The following MAP3K5 variants were observed in gnomAD, a reference collection of about 807,000 sequenced individuals.
The protein encoded by MAP3K5 is mitogen-activated protein kinase kinase kinase 5.
Under a neutral mutation model 158.7 loss-of-function variants are expected in MAP3K5, and 56 were observed. That is an observed-to-expected ratio of 0.35 (90% CI 0.28 to 0.44). The LOEUF (loss-of-function observed/expected upper bound fraction) is 0.44. MAP3K5 is among the 20% of genes least tolerant of loss of function. The pLI is 1.00. For missense variants in MAP3K5, 1,294 were observed against 1,674.8 expected (o/e 0.77, Z 3.97); for synonymous variants, 579 against 601.7 (o/e 0.96, Z 0.55).
In MAP3K5 at chr6:136,561,935, T is replaced by A. The variant is rs550109560; in HGVS notation, c.3875-290A>T. ...TAAACTCTGTGCACCAAAATTAGAC[T>A]TTGTGTTTTTCATGCAATAAAGATG... On this transcript the variant is annotated intron_variant, in intron 27 of 29. Coordinates refer to ENST00000359015, the MANE Select transcript of MAP3K5 (RefSeq NM_005923.4). Among the ~76,000 whole-genome samples the A allele has an allele frequency of 3.3e-5, 5 of 152,354 alleles. No homozygotes were observed. The South Asian group carries it at 8.3e-4, about 25-fold the overall frequency.
intron 1 of MAP3K5, among the ~76,000 whole-genome samples, chr6:136,755,991 T>C (rs1783461911): frequency 6.6e-6 from 1 of 151,900 alleles, no homozygotes; most frequent in African/African-American, 2.4e-5. Context: ...AGCAGATTGA[T>C]GGAAAAGTAG....
intron 1 of MAP3K5, among the ~76,000 whole-genome samples, chr6:136,750,894 A>G (rs1274447850): frequency 6.6e-6 from 1 of 152,236 alleles, no homozygotes; most frequent in Non-Finnish European, 1.5e-5. Context: ...CGGGATGTCA[A>G]AAGTTCTGAG....
intron 21 of MAP3K5, among the ~76,000 whole-genome samples, chr6:136,596,304 A>C (rs1775628275): frequency 6.6e-6 from 1 of 152,228 alleles, no homozygotes; most frequent in African/African-American, 2.4e-5. Flanking sequence ...ACAGTCATCC[A>C]GGCTGAGAGC....
At chr6:136,703,199 C>T (rs1162813750) in intron 3 of MAP3K5, among the ~76,000 whole-genome samples, 1 of 152,172 alleles carries the variant, frequency 6.6e-6, no homozygotes, top group Non-Finnish European at 1.5e-5. Context: ...ACATTCAGCA[C>T]CTGAAACGCA....
At chr6:136,584,989 C>T (rs1419786929) in intron 23 of MAP3K5, among the ~76,000 whole-genome samples, 1 of 152,194 alleles carries the variant, frequency 6.6e-6, no homozygotes, top group Non-Finnish European at 1.5e-5. Context: ...GAAACTACCC[C>T]TTACCCATCA....
At chr6:136,756,338 C>T (rs1783481903) in intron 1 of MAP3K5, among the ~76,000 whole-genome samples, 1 of 152,056 alleles carries the variant, frequency 6.6e-6, no homozygotes. Flanking sequence ...ATGCAGGTCA[C>T]TTTCATTGAG....
At chr6:136,616,365 C>T (rs1429140580) in intron 15 of MAP3K5, among the ~76,000 whole-genome samples, 1 of 142,448 alleles carries the variant, frequency 7.0e-6, no homozygotes, top group East Asian at 2.1e-4. Context: ...GGTGCAATGG[C>T]GTGATCTCAG....
intron 2 of MAP3K5, among the ~76,000 whole-genome samples, chr6:136,706,597 G>A (rs1181204785): frequency 6.6e-6 from 1 of 152,184 alleles, no homozygotes; most frequent in African/African-American, 2.4e-5. Context: ...CCTCAAGGGC[G>A]AGTCCATCTG....
intron 26 of MAP3K5, 74 bp from the exon 27 acceptor site, chr6:136,562,689 A>C: frequency 1.3e-6 from 1 of 741,958 alleles, no homozygotes; most frequent in East Asian, 2.8e-5. Flanking sequence ...TTATTTTTTT[A>C]GATACAAGGT....
At chr6:136,658,005 G>A (rs554806903) in intron 9 of MAP3K5, among the ~76,000 whole-genome samples, 14 of 152,346 alleles carry the variant, frequency 9.2e-5, no homozygotes, top group African/African-American at 2.9e-4. Context: ...CAGGAGAAGT[G>A]TCAGGTGTGC....
At chr6:136,651,466 C>T (rs535938551) in intron 10 of MAP3K5, among the ~76,000 whole-genome samples, 1 of 152,194 alleles carries the variant, frequency 6.6e-6, no homozygotes, top group East Asian at 1.9e-4. Flanking sequence ...CAAAGAAAGA[C>T]AGAAAAGGTC....
At chr6:136,743,375 G>A (rs549904794) in intron 1 of MAP3K5, among the ~76,000 whole-genome samples, 15 of 152,138 alleles carry the variant, frequency 9.9e-5, no homozygotes, top group Non-Finnish European at 2.1e-4. Flanking sequence ...GCATGAACCC[G>A]GGAGGCGGAG....
At chr6:136,726,727 GCTA>G (rs1477274728) in intron 1 of MAP3K5, among the ~76,000 whole-genome samples, 4 of 152,152 alleles carry the variant, frequency 2.6e-5, no homozygotes, top group Non-Finnish European at 2.9e-5. Flanking sequence ...TCTTTTTGGT[GCTA>G]CTATAGATAG....
Position 136,730,164 on chromosome 6 carries a change from T to TG in MAP3K5, c.449-9576_449-9575insC, listed in dbSNP as rs1195026139. ...TTTGTTGTTTGGTTGTTTTTTTTTT[T>TG]TTGTTTTTTGTTTTTGTAGAAACAA... On this transcript the variant is annotated intron_variant, in intron 1 of 29. Transcript: ENST00000359015. Among the ~76,000 whole-genome samples the TG allele has an allele frequency of 1.2e-3, 158 of 134,758 alleles. 1 individual carries two copies. The highest frequency in any genetic ancestry group is 1.8e-3 in the Non-Finnish European group (116 of 66,164). 88.4% of individuals were successfully genotyped at this position (134,758 alleles called of 152,430 possible). A position where few individuals can be genotyped will look rare whatever the true frequency, so the allele number is the denominator to read the frequency against.
At chr6:136,740,479 C>T (rs1225373968) in intron 1 of MAP3K5, among the ~76,000 whole-genome samples, 1 of 152,180 alleles carries the variant, frequency 6.6e-6, no homozygotes, top group African/African-American at 2.4e-5. Flanking sequence ...ATGCAGACCA[C>T]GTGTCCCCTG....
At chr6:136,736,454 C>T (rs1028941853) in intron 1 of MAP3K5, among the ~76,000 whole-genome samples, 18 of 152,090 alleles carry the variant, frequency 1.2e-4, no homozygotes, top group Non-Finnish European at 1.5e-4. Context: ...TCCTAGCGTA[C>T]GTGTTGACAT....
At chr6:136,726,051 A>G (rs939034400) in intron 1 of MAP3K5, among the ~76,000 whole-genome samples, 6 of 152,168 alleles carry the variant, frequency 3.9e-5, no homozygotes, top group Admixed American at 2.6e-4. Context: ...AATTGTTTGG[A>G]CTGCTGCAGC....
At chr6:136,633,147 C>A (rs762712721) in intron 14 of MAP3K5, among the ~76,000 whole-genome samples, 2 of 151,998 alleles carry the variant, frequency 1.3e-5, no homozygotes, top group African/African-American at 2.4e-5. Context: ...GCCTATAATC[C>A]CAGCACTTTG....
At chr6:136,762,345 G>A (rs1783796197) in intron 1 of MAP3K5, among the ~76,000 whole-genome samples, 1 of 152,144 alleles carries the variant, frequency 6.6e-6, no homozygotes, top group South Asian at 2.1e-4. Flanking sequence ...CCAAGTAGAG[G>A]AATCCATGCT....
Sources: gnomAD v4.1 joint callset for allele counts (sites outside exome capture counted in the v4.1 genomes callset) on GRCh38, gnomAD v4.1.1 for gene constraint, MANE v1.5 for transcripts, NCBI Gene and HGNC (gene_info 2026-07-23, HGNC 2026-07-21) for gene names.